PCDH7: variants seen among roughly 807,000 people sequenced by gnomAD.
PCDH7 encodes the protein protocadherin 7, also known as protocadherin-7.
Under a neutral mutation model 58.9 loss-of-function variants are expected in PCDH7, and 17 were observed. The observed-to-expected ratio is 0.29, with a 90% CI of 0.20 to 0.43. The LOEUF is 0.43. Ranked by LOEUF, PCDH7 falls within the 20% of genes least tolerant of loss-of-function variation. PCDH7 has a pLI of 1.00. For missense variants in PCDH7, 1,274 were observed against 1,441.0 expected (o/e 0.88, Z 1.88); for synonymous variants, 664 against 616.4 (o/e 1.08, Z -1.14).
intron 2 of PCDH7, among the ~76,000 whole-genome samples, chr4:30,927,042 C>T (rs1323095255): frequency 6.6e-6 from 1 of 151,988 alleles, no homozygotes; most frequent in Non-Finnish European, 1.5e-5. Context: ...TTTGCTGAAC[C>T]CTTATGACAT....
At chr4:30,902,660 C>T (rs1361102217) in intron 1 of PCDH7, among the ~76,000 whole-genome samples, 1 of 150,232 alleles carries the variant, frequency 6.7e-6, no homozygotes, top group African/African-American at 2.5e-5. Context: ...GTAGAAAATG[C>T]CCATATCTAT....
At chr4:30,776,858 G>GGTGTGT (rs57657077) in intron 1 of PCDH7, among the ~76,000 whole-genome samples, 2,706 of 147,700 alleles carry the variant, frequency 0.018, 28 homozygotes, top group Non-Finnish European at 0.026. Context: ...TTTGATATGT[G>GGTGTGT]GTGTGTGTGT....
chr4:30,889,086 T>G (rs1578180663), intron 1 of PCDH7, among the ~76,000 whole-genome samples: 1 of 127,534 alleles, frequency 7.8e-6, no homozygotes, highest in Admixed American at 9.6e-5. Flanking sequence ...GAGGCTGAGG[T>G]GGGTGGATTG....
intron 3 of PCDH7, among the ~76,000 whole-genome samples, chr4:31,096,376 G>A (rs1268705086): frequency 6.6e-6 from 1 of 151,992 alleles, no homozygotes. Flanking sequence ...TGGATCTGGA[G>A]GGGAAAAAAA....
At chr4:30,727,261 C>T (rs960117202) in intron 1 of PCDH7, among the ~76,000 whole-genome samples, 23 of 151,916 alleles carry the variant, frequency 1.5e-4, no homozygotes, top group African/African-American at 4.6e-4. Flanking sequence ...GTGTTCTTAT[C>T]TTCATGAAAA....
At chr4:31,081,003 C>T (rs547335803) in intron 3 of PCDH7, among the ~76,000 whole-genome samples, 39 of 152,280 alleles carry the variant, frequency 2.6e-4, no homozygotes, top group African/African-American at 9.1e-4. Context: ...TGCCATGGAT[C>T]GTGAGTCCTC....
At chr4:31,043,412 G>A (rs994385223) in intron 3 of PCDH7, among the ~76,000 whole-genome samples, 4 of 152,116 alleles carry the variant, frequency 2.6e-5, no homozygotes, top group Non-Finnish European at 5.9e-5. Context: ...CAGTGGAAAA[G>A]TGTTCCTTTT....
At chr4:30,959,455 A>G (rs1748178342) in intron 3 of PCDH7, among the ~76,000 whole-genome samples, 1 of 152,184 alleles carries the variant, frequency 6.6e-6, no homozygotes, top group South Asian at 2.1e-4. Flanking sequence ...AGTACAATTA[A>G]AAAGTATAAC....
chr4:31,070,737 A>T (rs1374339141), intron 3 of PCDH7, among the ~76,000 whole-genome samples: 1 of 152,110 alleles, frequency 6.6e-6, no homozygotes, highest in African/African-American at 2.4e-5. Flanking sequence ...CTATAACAAC[A>T]TTCATAAAAA....
chr4:31,039,347 T>C (rs1755662749), intron 3 of PCDH7, among the ~76,000 whole-genome samples: 1 of 152,202 alleles, frequency 6.6e-6, no homozygotes, highest in Non-Finnish European at 1.5e-5. Flanking sequence ...TGTCTTGAAG[T>C]AAAATAGTCT....
chr4:30,736,281 C>T (rs1472488366), downstream of PCDH7, among the ~76,000 whole-genome samples: 1 of 152,096 alleles, frequency 6.6e-6, no homozygotes, highest in Admixed American at 6.5e-5. Flanking sequence ...AAGAGCTCTC[C>T]TACCCCATAC....
At chr4:30,792,075 A>T (rs1373220138) in intron 1 of PCDH7, among the ~76,000 whole-genome samples, 3 of 152,224 alleles carry the variant, frequency 2.0e-5, no homozygotes, top group African/African-American at 7.2e-5. Context: ...TTAAGTGATA[A>T]GATTTCAGTG....
At chr4:31,079,725 G>A (rs1759347309) in intron 3 of PCDH7, among the ~76,000 whole-genome samples, 2 of 152,104 alleles carry the variant, frequency 1.3e-5, no homozygotes, top group Admixed American at 1.3e-4. Flanking sequence ...TCATGCATGA[G>A]CACATTGAAA....
chr4:30,919,854 A>G, intron 1 of PCDH7, among the ~76,000 whole-genome samples: 1 of 152,188 alleles, frequency 6.6e-6, no homozygotes, highest in Admixed American at 6.5e-5. Flanking sequence ...ATACTATAGA[A>G]TAGAAAAAGG....
At chr4:31,026,521 G>T (rs182254700) in intron 3 of PCDH7, among the ~76,000 whole-genome samples, 5 of 152,296 alleles carry the variant, frequency 3.3e-5, no homozygotes, top group Admixed American at 3.3e-4. Context: ...TGCAGATATT[G>T]TCTGCAGCAT....
rs1478198774 is a variant in PCDH7 at position 30,723,124 on chromosome 4, G to T, written c.1702G>T (p.Ala568Ser). ...GACAGACGCAGACAGCGGTAAGAACGCCGAGATCGCCTACTCGCTGGACTC... is the reference window on the plus strand; with the variant it reads ...GACAGACGCAGACAGCGGTAAGAACTCCGAGATCGCCTACTCGCTGGACTC... The change falls in exon 1 of 2, where the codon GCC (alanine) becomes TCC (serine). Residue 568 changes from alanine to serine, a missense_variant. Ala to Ser is a moderately conservative substitution (Grantham distance 99). Around this residue, in one of 3 missense-constraint regions of PCDH7, gnomAD observed 731 missense variants for 881.9 expected, o/e 0.83. Transcript: ENST00000361762. The surrounding 1 kb of genome is among the most constrained non-coding windows in gnomAD (Gnocchi z 4.6). 1 of 1,614,042 alleles carries T rather than the reference G, an allele frequency of 6.2e-7. No homozygotes were observed. Among genetic ancestry groups the T allele is most frequent in the Non-Finnish European group, 8.5e-7 (1 of 1,180,034 alleles).
At chr4:30,927,768 C>G (rs1374712688) in intron 2 of PCDH7, among the ~76,000 whole-genome samples, 1 of 151,812 alleles carries the variant, frequency 6.6e-6, no homozygotes, top group African/African-American at 2.4e-5. Flanking sequence ...CCTTTGTTCA[C>G]TTGTTTATCT....
At chr4:30,832,534 T>G (rs1468137332) in intron 1 of PCDH7, among the ~76,000 whole-genome samples, 2 of 152,170 alleles carry the variant, frequency 1.3e-5, no homozygotes, top group African/African-American at 4.8e-5. Context: ...GAACCAGAGC[T>G]TAAATCCATT....
chr4:30,743,521 A>G (rs1717363665), intron 1 of PCDH7, among the ~76,000 whole-genome samples: 1 of 152,106 alleles, frequency 6.6e-6, no homozygotes, highest in Non-Finnish European at 1.5e-5. Context: ...CTTTTTCATC[A>G]AAGGAAAAAG....
Sources: allele counts gnomAD v4.1 joint callset (sites outside exome capture counted in the v4.1 genomes callset), GRCh38; gene constraint gnomAD v4.1.1; regional missense constraint gnomAD v4.1.1; non-coding constraint Gnocchi (gnomAD v3.1); transcripts MANE v1.5; gene names NCBI Gene and HGNC (gene_info 2026-07-23, HGNC 2026-07-21).